Variants in TNFRSF19 observed in about 807,000 individuals in gnomAD.
TNFRSF19 encodes tumor necrosis factor receptor superfamily member 19.
In TNFRSF19, 27 loss-of-function variants were observed where a neutral mutation model predicts 46.4. The ratio of observed to expected loss-of-function variants is 0.58; its 90% CI spans 0.43 to 0.80. TNFRSF19 has a LOEUF of 0.80. TNFRSF19 is among the 30% of genes least tolerant of loss of function. The pLI, the probability that TNFRSF19 is intolerant of heterozygous loss-of-function variation, is 0.00. For synonymous variants in TNFRSF19, 204 were observed against 205.0 expected (o/e 1.00, Z 0.04); for missense variants, 511 against 530.8 (o/e 0.96, Z 0.37).
chr13:23,668,120 C>T (rs746300805), intron 8 of TNFRSF19, 38 bp downstream of exon 8: 8 of 1,520,762 alleles, frequency 5.3e-6, no homozygotes, highest in African/African-American at 1.4e-5. Flanking sequence ...TCATAACCCC[C>T]TGTGCAAATA....
At chr13:23,608,837 G>T (rs1880692581) in intron 3 of TNFRSF19, among the ~76,000 whole-genome samples, 1 of 152,150 alleles carries the variant, frequency 6.6e-6, no homozygotes, top group Admixed American at 6.5e-5. Flanking sequence ...GAATCATATT[G>T]ACCTAACGCA....
rs776842104 is a variant in TNFRSF19 at position 23,675,226 on chromosome 13, A to G, written c.*1846A>G. 1.9e-4 allele frequency: 29 copies of G among 152,348 alleles called. No homozygotes were observed. Among genetic ancestry groups the G allele is most frequent in the Non-Finnish European group, 3.7e-4 (25 of 68,034 alleles). The allele number at this position is 152,348 out of a possible 1,614,324, so 9.4% of individuals were successfully genotyped here. On this transcript the variant is annotated 3_prime_UTR_variant, in exon 10 of 10. Coordinates refer to ENST00000248484, the MANE Select transcript of TNFRSF19 (RefSeq NM_148957.4). ...CGCGTGACCTCACCATGATTCACATACGTGCCACTGTTTGAAATCTGGTCT... is the reference window on the plus strand; with the variant it reads ...CGCGTGACCTCACCATGATTCACATGCGTGCCACTGTTTGAAATCTGGTCT...
At chr13:23,658,795 T>C (rs577490747) in intron 5 of TNFRSF19, among the ~76,000 whole-genome samples, 4 of 152,224 alleles carry the variant, frequency 2.6e-5, no homozygotes, top group East Asian at 1.9e-4. Flanking sequence ...AGTAACACAA[T>C]GTGTTGAGGA....
intron 5 of TNFRSF19, among the ~76,000 whole-genome samples, chr13:23,646,885 G>A (rs1180643533): frequency 5.9e-5 from 9 of 152,210 alleles, no homozygotes; most frequent in East Asian, 1.9e-4. Flanking sequence ...ACCATTTTAC[G>A]TTCTTACCAT....
chr13:23,660,878 T>G (rs1477574971), intron 7 of TNFRSF19, among the ~76,000 whole-genome samples: 2 of 152,144 alleles, frequency 1.3e-5, no homozygotes, highest in Non-Finnish European at 2.9e-5. Flanking sequence ...TATAAAAATA[T>G]ATCTATTTTT....
At chr13:23,616,071 G>GTAATTATTTACAAGTTACT in intron 4 of TNFRSF19, 26 bp downstream of exon 4, 1 of 1,559,712 alleles carries the variant, frequency 6.4e-7, no homozygotes, top group South Asian at 1.2e-5. Flanking sequence ...TCTTTCACTT[G>GTAATTATTTACAAGTTACT]TAATTATTTA....
At chr13:23,657,799 C>G (rs965137927) in intron 5 of TNFRSF19, among the ~76,000 whole-genome samples, 1 of 152,120 alleles carries the variant, frequency 6.6e-6, no homozygotes, top group Non-Finnish European at 1.5e-5. Context: ...GGGATCCTCT[C>G]AATTCAGCCT....
At chr13:23,579,756 G>A (rs1461821822) in intron 1 of TNFRSF19, among the ~76,000 whole-genome samples, 1 of 152,028 alleles carries the variant, frequency 6.6e-6, no homozygotes, top group African/African-American at 2.4e-5. Context: ...GGAGGGGAGC[G>A]TGTGAATTCA....
chr13:23,622,779 A>G (rs770956624), intron 4 of TNFRSF19, among the ~76,000 whole-genome samples: 3 of 152,072 alleles, frequency 2.0e-5, no homozygotes, highest in Non-Finnish European at 4.4e-5. Context: ...ATAAAACACT[A>G]TTTTGTGCTT....
intron 1 of TNFRSF19, among the ~76,000 whole-genome samples, chr13:23,581,567 C>CAA (rs1878436501): frequency 6.6e-6 from 1 of 151,948 alleles, no homozygotes; most frequent in Non-Finnish European, 1.5e-5. Context: ...TGATAATAGG[C>CAA]TTTTTACATA....
At chr13:23,654,281 G>C (rs1450152848) in intron 5 of TNFRSF19, among the ~76,000 whole-genome samples, 2 of 152,184 alleles carry the variant, frequency 1.3e-5, no homozygotes, top group Non-Finnish European at 2.9e-5. Context: ...AGCCCAGGCG[G>C]AGTCCAGCTG....
chr13:23,576,874 G>A (rs976941872), intron 1 of TNFRSF19, among the ~76,000 whole-genome samples: 8 of 152,230 alleles, frequency 5.3e-5, no homozygotes, highest in Non-Finnish European at 1.0e-4. Context: ...AACTTAATGA[G>A]TCTCTTTAAA....
At chr13:23,620,406 C>T (rs1427455153) in intron 4 of TNFRSF19, among the ~76,000 whole-genome samples, 1 of 152,168 alleles carries the variant, frequency 6.6e-6, no homozygotes, top group Non-Finnish European at 1.5e-5. Flanking sequence ...AGCTGCTTCC[C>T]TCTCAGTAGC....
At chr13:23,629,581 C>T (rs1323287216) in intron 5 of TNFRSF19, among the ~76,000 whole-genome samples, 1 of 152,224 alleles carries the variant, frequency 6.6e-6, no homozygotes, top group African/African-American at 2.4e-5. Context: ...CACCTGCCTG[C>T]TGTGGTTGTA....
In TNFRSF19 at chr13:23,660,373, C is replaced by T. The variant is rs115048916; in HGVS notation, c.619C>T (p.Arg207Trp). The change falls in exon 7 of 10, where the codon CGG becomes TGG. Residue 207 changes from arginine (R) to tryptophan (W), a missense_variant. By Grantham distance (101) the Arg-to-Trp change is moderately radical. Around this residue, in one of 3 missense-constraint regions of TNFRSF19, gnomAD observed 376 missense variants for 372.7 expected, o/e 1.01. Coordinates refer to ENST00000248484, the MANE Select transcript of TNFRSF19 (RefSeq NM_148957.4). ...FMEKKPSWSLRSQDIQYNGSE... is the reference protein window; with the variant it reads ...FMEKKPSWSLWSQDIQYNGSE... ...TCTCACCCCTCATTTAGGGTCTCTG[C>T]GGTCACAGGACATTCAGTACAACGG... 17 of 1,613,214 alleles carry T rather than the reference C, an allele frequency of 1.1e-5. No individual in the cohort carries two copies. Among genetic ancestry groups the T allele is most frequent in the East Asian group, 8.9e-5 (4 of 44,818 alleles).
rs981035075 is a variant in TNFRSF19 at position 23,660,060 on chromosome 13, T to C, written c.611-305T>C. 6.6e-5 allele frequency among the ~76,000 whole-genome samples: 10 copies of C among 152,210 alleles called. No homozygotes were observed. In the East Asian group the frequency reaches 1.9e-3, roughly 29 times the overall value. ...AAGTGACCTGCGCAGTTCAAACCCGTGTTGCTTAAGGGTCATCTGTAGAAT... is the reference window on the plus strand; with the variant it reads ...AAGTGACCTGCGCAGTTCAAACCCGCGTTGCTTAAGGGTCATCTGTAGAAT... On this transcript the variant is annotated intron_variant, in intron 6 of 9. Coordinates refer to ENST00000248484, the MANE Select transcript of TNFRSF19 (RefSeq NM_148957.4).
intron 3 of TNFRSF19, among the ~76,000 whole-genome samples, chr13:23,597,156 A>C (rs764330611): frequency 5.9e-5 from 9 of 152,222 alleles, no homozygotes; most frequent in Non-Finnish European, 2.9e-5. Flanking sequence ...AAGATCTAAA[A>C]TTGACACCCT....
chr13:23,610,940 A>C (rs931174747), intron 3 of TNFRSF19, among the ~76,000 whole-genome samples: 23 of 152,198 alleles, frequency 1.5e-4, no homozygotes, highest in Non-Finnish European at 3.2e-4. Flanking sequence ...GTACCAGGTC[A>C]TAATTTCAAG....
chr13:23,625,326 C>CTTTTTTTTT (rs67965421), intron 4 of TNFRSF19, among the ~76,000 whole-genome samples: 1 of 107,328 alleles, frequency 9.3e-6, no homozygotes, highest in Non-Finnish European at 1.8e-5. Flanking sequence ...TGATTGTATT[C>CTTTTTTTTT]TTTTTTTTTT....
Sources: allele counts gnomAD v4.1 joint callset (sites outside exome capture counted in the v4.1 genomes callset), GRCh38; gene constraint gnomAD v4.1.1; regional missense constraint gnomAD v4.1.1; transcripts MANE v1.5; gene names NCBI Gene and HGNC (gene_info 2026-07-23, HGNC 2026-07-21).